The following CAPN1 variants were observed in gnomAD, a reference collection of about 807,000 sequenced individuals.
CAPN1 encodes calpain-1 catalytic subunit.
A neutral mutation model predicts 105.2 loss-of-function variants in CAPN1; 77 were observed. That is an observed-to-expected ratio of 0.73 (90% confidence interval 0.61 to 0.88). The LOEUF is 0.88. Ranked by LOEUF, CAPN1 falls within the 40% of genes least tolerant of loss-of-function variation. The pLI is 0.00. For synonymous variants in CAPN1, 355 were observed against 388.8 expected, an observed-to-expected ratio of 0.91 and a Z score of 1.02; for missense variants, 833 against 976.6, an observed-to-expected ratio of 0.85 and a Z score of 1.96.
intron 6 of CAPN1, 137 bp from the exon 7 acceptor site, chr11:65,187,078 G>A: frequency 1.5e-6 from 1 of 660,670 alleles, no homozygotes; most frequent in Non-Finnish European, 2.7e-6. Context: ...CTATAGGTGG[G>A]ATCGGGGTCC....
Position 65,206,721 on chromosome 11 carries a change from C to G in CAPN1, c.1565+47C>G, listed in dbSNP as rs747887637. ...GCCACTCTCCCCTCTCCCAGCCTCC[C>G]CTCTCAGGCCCTCTGCTGTCCCCCT... On this transcript the variant is annotated intron_variant, in intron 13 of 21. Transcript: ENST00000279247. The G allele has an allele frequency of 3.1e-6, 5 of 1,609,862 alleles. No homozygotes were observed. The South Asian group carries it at 5.5e-5, about 18-fold the overall frequency.
rs867375600 is a variant in CAPN1, at chr11:65,182,706, C to T, written c.5C>T (p.Ser2Leu). ...CAGGCCCATCTGTCCGGCAGGATGT[C>T]GGAGGAGATCATCACGCCGGTGTAC... is the stretch of plus-strand genomic sequence containing the variant. M[S>L]EEIITPVYCT... The change falls in exon 2 of 22, where the codon TCG becomes TTG. Residue 2 changes from serine (S) to leucine (L), a missense_variant. Transcript: ENST00000279247. 3 of 1,561,540 alleles carry T rather than the reference C, an allele frequency of 1.9e-6. No homozygotes were observed. Among genetic ancestry groups the T allele is most frequent in the African/African-American group, 1.4e-5 (1 of 73,988 alleles).
chr11:65,211,181 G>T, intron 21 of CAPN1, 79 bp from the exon 22 acceptor site: 1 of 1,523,078 alleles, frequency 6.6e-7, no homozygotes, highest in Non-Finnish European at 9.0e-7. Flanking sequence ...GGAGTTGGGG[G>T]CTGGACCTGG....
chr11:65,196,763 A>G (rs942259975), intron 10 of CAPN1, among the ~76,000 whole-genome samples: 1 of 152,206 alleles, frequency 6.6e-6, no homozygotes, highest in African/African-American at 2.4e-5. Flanking sequence ...AACATAAAAA[A>G]ATTTCTAACT....
chr11:65,196,350 C>T (rs1054573981), intron 10 of CAPN1, among the ~76,000 whole-genome samples: 1 of 151,602 alleles, frequency 6.6e-6, no homozygotes, highest in Non-Finnish European at 1.5e-5. Context: ...TTTAATAAAT[C>T]CATTTTTTAT....
chr11:65,190,576 A>G (rs938357392), intron 10 of CAPN1, among the ~76,000 whole-genome samples: 4 of 152,148 alleles, frequency 2.6e-5, no homozygotes, highest in African/African-American at 7.2e-5. Flanking sequence ...TGGACTCACC[A>G]TTCTGTCCCT....
chr11:65,206,376 A>G (rs1031501789), intron 12 of CAPN1, 87 bp from the exon 13 acceptor site: 6 of 1,021,970 alleles, frequency 5.9e-6, no homozygotes, highest in Admixed American at 1.8e-5. Context: ...GGCCAGGACA[A>G]GGAGCCTGGA....
Position 65,182,875 on chromosome 11 carries a change from T to C in CAPN1, c.174T>C (p.Asp58=), listed in dbSNP as rs759639895. Residue 58 remains aspartate (D), a synonymous_variant, in exon 2 of 22, where the codon GAT becomes GAC. Coordinates refer to ENST00000279247, the MANE Select transcript of CAPN1 (RefSeq NM_005186.4). ...RCLQSGTLFR[D]EAFPPVPQSL... ...TGCAGAGTGGGACCCTCTTCCGTGA[T>C]GAGGCCTTCCCCCCGGTACCCCAGA... 3 of 1,603,626 alleles carry C rather than the reference T, an allele frequency of 1.9e-6. No individual in the cohort carries two copies. Among genetic ancestry groups the C allele is most frequent in the Non-Finnish European group, 2.6e-6 (3 of 1,175,482 alleles).
intron 10 of CAPN1, among the ~76,000 whole-genome samples, chr11:65,193,616 G>C (rs1948749626): frequency 8.2e-6 from 1 of 121,478 alleles, no homozygotes; most frequent in East Asian, 2.7e-4. Context: ...CTGCACTCCA[G>C]CCCGGGCAAT....
At chr11:65,183,039 T>C (rs1054816622) in intron 2 of CAPN1, 71 bp downstream of exon 2, 9 of 1,605,216 alleles carry the variant, frequency 5.6e-6, no homozygotes, top group Non-Finnish European at 7.7e-6. Flanking sequence ...TGGGACTCCA[T>C]GTCCCTGGTG....
Position 65,204,777 on chromosome 11 carries a change from G to A in CAPN1, c.1260G>A (p.Val420=), listed in dbSNP as rs755788906. 2 of 1,613,082 alleles carry A rather than the reference G, an allele frequency of 1.2e-6. No homozygotes were observed. Among genetic ancestry groups the A allele is most frequent in the Non-Finnish European group, 1.7e-6 (2 of 1,179,852 alleles). Residue 420 remains valine (V), a synonymous_variant, in exon 11 of 22, where the codon GTG becomes GTA. Transcript: ENST00000279247. ...YGDRESGCSF[V]LALMQKHRRR... is the part of the protein sequence containing the mutation. ...ACCGCGAGTCAGGCTGCAGCTTCGT[G>A]CTCGCCCTTATGCAGAAGCACCGTC...
At position 65,188,761 on chromosome 11, in the gene CAPN1, G is replaced by C. The variant is rs776129237; in HGVS notation, c.1165+15G>C. The C allele has an allele frequency of 1.9e-6, 3 of 1,550,074 alleles. No homozygotes were observed. The South Asian group carries it at 3.6e-5, about 18-fold the overall frequency. Reference sequence around the variant, plus strand: ...AAACTACCCAGGTGCACAGGGGCGGGCTCTGGGTCTTGCTGCTTCCTGGCT... The same window carrying C: ...AAACTACCCAGGTGCACAGGGGCGGCCTCTGGGTCTTGCTGCTTCCTGGCT... On this transcript the variant is annotated intron_variant, in intron 10 of 21. Coordinates refer to ENST00000279247, the MANE Select transcript of CAPN1 (RefSeq NM_005186.4). The surrounding 1 kb of genome is among the most constrained non-coding windows in gnomAD (Gnocchi z 5.5).
chr11:65,204,206 TC>T (rs1238892642), intron 10 of CAPN1, among the ~76,000 whole-genome samples: 1 of 152,164 alleles, frequency 6.6e-6, no homozygotes, highest in African/African-American at 2.4e-5. Context: ...TTTGCTTCAG[TC>T]CACACGCCCT....
Position 65,188,449 on chromosome 11 carries a change from G to A in CAPN1, c.965G>A (p.Arg322Gln), listed in dbSNP as rs537382083. The A allele has an allele frequency of 2.8e-5, 45 of 1,613,058 alleles. No homozygotes were observed. In the East Asian group the frequency reaches 3.1e-4, roughly 11 times the overall value. The change falls in exon 9 of 22, where the codon CGG becomes CAG. Residue 322 changes from arginine (R) to glutamine (Q), a missense_variant. By Grantham distance (43) the Arg-to-Gln change is conservative (BLOSUM62 1). Transcript: ENST00000279247. This position sits in a 1 kb window ranked among gnomAD's most constrained non-coding sequence, Gnocchi z 5.5. ...TGGAACAACGTGGACCCATATGAACGGGACCAGCTCCGGGTCAAGATGGAG... is the reference window on the plus strand; with the variant it reads ...TGGAACAACGTGGACCCATATGAACAGGACCAGCTCCGGGTCAAGATGGAG... ...SEWNNVDPYE[R>Q]DQLRVKMEDG... is the part of the protein sequence containing the mutation.
intron 10 of CAPN1, among the ~76,000 whole-genome samples, chr11:65,189,546 G>A (rs1948690360): frequency 6.6e-6 from 1 of 152,076 alleles, no homozygotes; most frequent in Non-Finnish European, 1.5e-5. Context: ...TCAACCCTTC[G>A]ACCAAGCCAG....
At chr11:65,198,803 G>T (rs768104362) in intron 10 of CAPN1, among the ~76,000 whole-genome samples, 2 of 152,146 alleles carry the variant, frequency 1.3e-5, no homozygotes, top group Non-Finnish European at 2.9e-5. Context: ...AGGACTACAG[G>T]CACATGCCAC....
chr11:65,205,858 C>A, intron 12 of CAPN1, 137 bp downstream of exon 12: 1 of 798,514 alleles, frequency 1.3e-6, no homozygotes, highest in South Asian at 1.5e-5. Context: ...TGCTTCTCCC[C>A]ACCTGTTCAG....
Position 65,208,350 on chromosome 11 carries a change from T to TC in CAPN1, c.1729+91dup. 7.9e-7 allele frequency: 1 copy of TC among 1,271,044 alleles called. No individual in the cohort carries two copies. The highest frequency in any genetic ancestry group is 1.1e-6 in the Non-Finnish European group (1 of 892,892). 78.7% of individuals were successfully genotyped at this position (1,271,044 alleles called of 1,614,324 possible). Reference sequence around the variant, plus strand: ...TGCTCACACATTGAGCTGAACCTCATCCCTTGGTCTGCATGAGTCGGGGAA... The same window carrying TC: ...TGCTCACACATTGAGCTGAACCTCATCCCCTTGGTCTGCATGAGTCGGGGAA... On this transcript the variant is annotated intron_variant, in intron 16 of 21. Transcript: ENST00000279247. This position sits in a 1 kb window ranked among gnomAD's most constrained non-coding sequence, Gnocchi z 4.1.
chr11:65,189,424 C>A (rs928526910), intron 10 of CAPN1, among the ~76,000 whole-genome samples: 1 of 152,168 alleles, frequency 6.6e-6, no homozygotes, highest in Non-Finnish European at 1.5e-5. Context: ...CACTGCAGCA[C>A]GCTTTTTCTC....
Sources: gnomAD v4.1 joint callset for allele counts (sites outside exome capture counted in the v4.1 genomes callset) on GRCh38, gnomAD v4.1.1 for gene constraint, Gnocchi (gnomAD v3.1) non-coding constraint, MANE v1.5 for transcripts, NCBI Gene and HGNC (gene_info 2026-07-23, HGNC 2026-07-21) for gene names.